The following UGP2 variants were observed in gnomAD, a reference collection of about 807,000 sequenced individuals.
The protein encoded by UGP2 is UDP-glucose pyrophosphorylase 2.
UGP2 carries 40 observed loss-of-function variants against 49.0 expected under a neutral mutation model. The observed-to-expected ratio is 0.82, with a 90% CI of 0.63 to 1.06. The LOEUF is 1.06. Ranked by LOEUF, UGP2 falls within the 50% of genes least tolerant of loss-of-function variation. The probability of loss-of-function intolerance (pLI) is 0.00; values close to 1 mark genes in which losing one functional copy is unlikely to be tolerated. For missense variants in UGP2, 460 were observed against 603.5 expected, an observed-to-expected ratio of 0.76 and a Z score of 2.49; for synonymous variants, 225 against 213.0, an observed-to-expected ratio of 1.06 and a Z score of -0.49.
chr2:63,844,644 C>T (rs939503608), intron 1 of UGP2, among the ~76,000 whole-genome samples: 16 of 152,138 alleles, frequency 1.1e-4, no homozygotes, highest in African/African-American at 3.6e-4. Flanking sequence ...TCACTGCAGC[C>T]TTGATCTCCT....
At chr2:63,879,161 A>C (rs939043295) in intron 3 of UGP2, among the ~76,000 whole-genome samples, 1 of 152,162 alleles carries the variant, frequency 6.6e-6, no homozygotes, top group Non-Finnish European at 1.5e-5. Flanking sequence ...ATTAGAATTA[A>C]GGTGTAATCT....
At chr2:63,890,933 A>G (rs779894332) in intron 9 of UGP2, among the ~76,000 whole-genome samples, 187 bp from the exon 10 acceptor site, 6 of 152,218 alleles carry the variant, frequency 3.9e-5, no homozygotes, top group South Asian at 4.1e-4. Flanking sequence ...AACTACTGCC[A>G]GGATTGTTAC....
intron 1 of UGP2, among the ~76,000 whole-genome samples, chr2:63,854,684 C>T (rs1400864978): frequency 2.0e-5 from 3 of 152,156 alleles, no homozygotes; most frequent in African/African-American, 7.2e-5. Flanking sequence ...TCTTTAATCA[C>T]TAAAAACAGA....
intron 1 of UGP2, among the ~76,000 whole-genome samples, chr2:63,853,024 G>A (rs1007969599): frequency 1.3e-5 from 2 of 152,020 alleles, no homozygotes; most frequent in Non-Finnish European, 2.9e-5. Context: ...TAGGATGAGA[G>A]GCACATGTTT....
At chr2:63,855,700 C>T in intron 1 of UGP2, 1 of 432,992 alleles carries the variant, frequency 2.3e-6, no homozygotes. Flanking sequence ...CGCCACCACA[C>T]CTGGCTAATT....
chr2:63,859,707 A>G (rs1669701973), intron 3 of UGP2, among the ~76,000 whole-genome samples: 1 of 152,232 alleles, frequency 6.6e-6, no homozygotes, highest in Admixed American at 6.5e-5. Flanking sequence ...TTCTAGATGT[A>G]ACATGATTTT....
At chr2:63,885,952 G>A in intron 6 of UGP2, 66 bp downstream of exon 6, 2 of 1,467,148 alleles carry the variant, frequency 1.4e-6, no homozygotes, top group Non-Finnish European at 1.8e-6. Context: ...TGAAGTTAAA[G>A]ACTTTTTTAT....
chr2:63,848,144 A>G (rs745563319), intron 1 of UGP2, among the ~76,000 whole-genome samples: 13 of 152,216 alleles, frequency 8.5e-5, no homozygotes, highest in Non-Finnish European at 1.9e-4. Context: ...ATGAGAAAAT[A>G]TGATTCAGTT....
intron 3 of UGP2, among the ~76,000 whole-genome samples, chr2:63,881,775 C>G (rs1478757821): frequency 6.6e-6 from 1 of 152,226 alleles, no homozygotes; most frequent in East Asian, 1.9e-4. Context: ...TCAGCCCCAC[C>G]TCTTGCCCTT....
chr2:63,863,449 CTT>C (rs1413372704), intron 3 of UGP2, among the ~76,000 whole-genome samples: 2 of 152,066 alleles, frequency 1.3e-5, no homozygotes, highest in Non-Finnish European at 2.9e-5. Flanking sequence ...TTTTACATCT[CTT>C]TAGCATTTTG....
At position 63,890,139 on chromosome 2, in the gene UGP2, T is replaced by A; in HGVS notation, c.1373T>A (p.Leu458His). The A allele has an allele frequency of 6.2e-7, 1 of 1,612,580 alleles. No individual in the cohort carries two copies. The highest frequency in any genetic ancestry group is 2.2e-5 in the East Asian group (1 of 44,794). ...CCAGATATGCTTGAATTGGATCACCTCACAGTTTCAGGAGATGTGACATTT... is the reference window on the plus strand; with the variant it reads ...CCAGATATGCTTGAATTGGATCACCACACAGTTTCAGGAGATGTGACATTT... ...SIPDMLELDHLTVSGDVTFGK... is the reference protein window; with the variant it reads ...SIPDMLELDHHTVSGDVTFGK... The change falls in exon 9 of 10, where the codon CTC becomes CAC. Residue 458 changes from leucine to histidine, a missense_variant. By Grantham distance (99) the Leu-to-His change is moderately conservative (BLOSUM62 -3). This residue lies in a region of UGP2 where 317 missense variants were observed against 473.0 expected (regional missense o/e 0.67). Transcript: ENST00000337130.
At chr2:63,848,339 T>A (rs980261564) in intron 1 of UGP2, among the ~76,000 whole-genome samples, 1 of 152,218 alleles carries the variant, frequency 6.6e-6, no homozygotes, top group Non-Finnish European at 1.5e-5. Flanking sequence ...CAATGACTAT[T>A]AACTGAAACC....
At chr2:63,878,160 C>T (rs1671051507) in intron 3 of UGP2, among the ~76,000 whole-genome samples, 2 of 152,138 alleles carry the variant, frequency 1.3e-5, no homozygotes, top group South Asian at 4.1e-4. Flanking sequence ...TTTTTTTGTG[C>T]AAACAGCCTA....
chr2:63,856,193 C>G, intron 1 of UGP2, 113 bp from the exon 2 acceptor site: 1 of 1,347,558 alleles, frequency 7.4e-7, no homozygotes, highest in Non-Finnish European at 1.0e-6. Context: ...ATAAAGGGAC[C>G]TTGGGATTGA....
chr2:63,867,510 A>T (rs1279482060), intron 3 of UGP2, among the ~76,000 whole-genome samples: 1 of 152,222 alleles, frequency 6.6e-6, no homozygotes, highest in Middle Eastern at 3.2e-3. Context: ...ACAGCAAAGG[A>T]TGCTATCGTT....
At chr2:63,844,671 C>T (rs1256662080) in intron 1 of UGP2, among the ~76,000 whole-genome samples, 1 of 152,166 alleles carries the variant, frequency 6.6e-6, no homozygotes, top group Non-Finnish European at 1.5e-5. Flanking sequence ...AAGCAATTTT[C>T]CCACCTCAGC....
chr2:63,869,883 A>G (rs1670431216), intron 3 of UGP2, among the ~76,000 whole-genome samples: 2 of 151,542 alleles, frequency 1.3e-5, no homozygotes. Flanking sequence ...TTTCCTTTCC[A>G]TAGTGTTAGT....
chr2:63,880,018 G>A (rs1177982020), intron 3 of UGP2, among the ~76,000 whole-genome samples: 1 of 152,106 alleles, frequency 6.6e-6, no homozygotes, highest in East Asian at 1.9e-4. Flanking sequence ...ACTGATAAAT[G>A]GAAATTCTTG....
chr2:63,868,220 T>C (rs908892426), intron 3 of UGP2, among the ~76,000 whole-genome samples: 1 of 152,138 alleles, frequency 6.6e-6, no homozygotes, highest in African/African-American at 2.4e-5. Context: ...AAAGAGTTGG[T>C]GTGTGTTCAT....
Sources: gnomAD v4.1 joint callset for allele counts (sites outside exome capture counted in the v4.1 genomes callset) on GRCh38, gnomAD v4.1.1 for gene constraint, gnomAD v4.1.1 regional missense constraint, MANE v1.5 for transcripts, NCBI Gene and HGNC (gene_info 2026-07-23, HGNC 2026-07-21) for gene names.